Variants in ST8SIA5 observed in about 807,000 individuals in gnomAD.
The protein encoded by ST8SIA5 is ST8 alpha-N-acetyl-neuraminide alpha-2,8-sialyltransferase 5.
A neutral mutation model predicts 40.2 loss-of-function variants in ST8SIA5; 24 were observed. The ratio of observed to expected loss-of-function variants is 0.60; its 90% CI spans 0.43 to 0.84. The LOEUF is 0.84. Among genes scored for constraint, ST8SIA5 ranks in the 40% least tolerant of loss-of-function variants. ST8SIA5 has a pLI of 0.00. For missense variants in ST8SIA5, 465 were observed against 498.5 expected (o/e 0.93, Z 0.64); for synonymous variants, 198 against 201.8 (o/e 0.98, Z 0.16).
intron 1 of ST8SIA5, among the ~76,000 whole-genome samples, chr18:46,734,693 C>T (rs2040017699): frequency 6.6e-6 from 1 of 152,212 alleles, no homozygotes; most frequent in African/African-American, 2.4e-5. Flanking sequence ...GGCTCCTACA[C>T]AGCCCTTAGC....
intron 1 of ST8SIA5, among the ~76,000 whole-genome samples, chr18:46,738,611 C>G (rs529946881): frequency 6.6e-6 from 1 of 152,304 alleles, no homozygotes; most frequent in African/African-American, 2.4e-5. Flanking sequence ...TGTAAAGTCA[C>G]TCTGCTGACC....
At chr18:46,737,920 A>G (rs1206909590) in intron 1 of ST8SIA5, among the ~76,000 whole-genome samples, 1 of 151,928 alleles carries the variant, frequency 6.6e-6, no homozygotes, top group Non-Finnish European at 1.5e-5. Context: ...ACAGGCATGC[A>G]CCACCACGCC....
chr18:46,710,413 T>G (rs112844672), intron 1 of ST8SIA5, among the ~76,000 whole-genome samples: 26,164 of 126,844 alleles, frequency 0.21, 2,641 homozygotes, highest in East Asian at 0.39. Context: ...CTTTCTTTCT[T>G]TCTTTTTCTT....
intron 2 of ST8SIA5, among the ~76,000 whole-genome samples, chr18:46,697,978 G>C (rs2039573123): frequency 6.6e-6 from 1 of 152,078 alleles, no homozygotes; most frequent in South Asian, 2.1e-4. Flanking sequence ...TGGTAGAGAA[G>C]GTCTTCAACA....
chr18:46,732,030 T>A (rs191225666), intron 1 of ST8SIA5, among the ~76,000 whole-genome samples: 3 of 152,286 alleles, frequency 2.0e-5, no homozygotes, highest in Admixed American at 6.5e-5. Flanking sequence ...AAGACAGGCC[T>A]CGGGTTGCCA....
chr18:46,686,091 G>A (rs2039443357), intron 5 of ST8SIA5, 83 bp downstream of exon 5: 1 of 1,339,096 alleles, frequency 7.5e-7, no homozygotes, highest in Non-Finnish European at 1.1e-6. Context: ...CTTGCTTAAA[G>A]GGTAGCATTA....
At chr18:46,731,250 C>T (rs1472299604) in intron 1 of ST8SIA5, among the ~76,000 whole-genome samples, 3 of 152,146 alleles carry the variant, frequency 2.0e-5, no homozygotes, top group African/African-American at 7.2e-5. Context: ...TATTTCTCTA[C>T]CAAAAGAAAA....
Position 46,756,666 on chromosome 18 carries a change from G to T in ST8SIA5, c.-158C>A. The T allele has an allele frequency of 1.2e-6, 1 of 820,970 alleles. No individual in the cohort carries two copies. The highest frequency in any genetic ancestry group is 2.0e-5 in the South Asian group (1 of 51,094). The allele number at this position is 820,970 out of a possible 1,614,324, so 50.9% of individuals were successfully genotyped here. On this transcript the variant is annotated 5_prime_UTR_variant, in exon 1 of 7. Transcript: ENST00000315087. ...GGCAAAGTTTCTGGTTGGCGCGGCC[G>T]GAGCTGGGGGCATCCAAGCGTCGCA...
At chr18:46,755,856 T>A (rs1476017841) in intron 1 of ST8SIA5, among the ~76,000 whole-genome samples, 8 of 152,194 alleles carry the variant, frequency 5.3e-5, no homozygotes, top group Admixed American at 5.2e-4. Context: ...ACTATCCCTG[T>A]CGCATAGCCA....
chr18:46,733,650 T>C (rs1480761577), intron 1 of ST8SIA5, among the ~76,000 whole-genome samples: 1 of 152,076 alleles, frequency 6.6e-6, no homozygotes, highest in Non-Finnish European at 1.5e-5. Context: ...GGAATGTTAT[T>C]CCACACAGGG....
At chr18:46,703,655 AC>A (rs2144499520) in intron 2 of ST8SIA5, among the ~76,000 whole-genome samples, 1 of 150,484 alleles carries the variant, frequency 6.6e-6, no homozygotes, top group African/African-American at 2.4e-5. Context: ...AGGGCCAGGG[AC>A]CCCAGATGCC....
At chr18:46,723,651 C>G (rs756184496) in intron 1 of ST8SIA5, among the ~76,000 whole-genome samples, 1 of 152,130 alleles carries the variant, frequency 6.6e-6, no homozygotes, top group African/African-American at 2.4e-5. Flanking sequence ...GAAGGCCAAG[C>G]GTAGTGGCTC....
intron 1 of ST8SIA5, among the ~76,000 whole-genome samples, chr18:46,744,792 T>C (rs2040122571): frequency 1.3e-5 from 2 of 152,176 alleles, no homozygotes; most frequent in Admixed American, 6.5e-5. Context: ...GCACTTATTC[T>C]AAAATTGACC....
At chr18:46,702,168 A>C (rs1172608610) in intron 2 of ST8SIA5, among the ~76,000 whole-genome samples, 1 of 151,950 alleles carries the variant, frequency 6.6e-6, no homozygotes, top group Non-Finnish European at 1.5e-5. Flanking sequence ...AAAAACAGAA[A>C]TTAGTCATTT....
chr18:46,739,792 C>T (rs1376659470), intron 1 of ST8SIA5, among the ~76,000 whole-genome samples: 1 of 152,194 alleles, frequency 6.6e-6, no homozygotes, highest in Admixed American at 6.5e-5. Context: ...GCTCTCATTC[C>T]TCTTTGAGAA....
At chr18:46,698,816 T>C (rs902113344) in intron 2 of ST8SIA5, among the ~76,000 whole-genome samples, 1 of 151,850 alleles carries the variant, frequency 6.6e-6, no homozygotes, top group African/African-American at 2.4e-5. Context: ...AGCAAGATGA[T>C]GAAGAGAAAC....
intron 1 of ST8SIA5, among the ~76,000 whole-genome samples, chr18:46,719,469 C>T (rs1170807128): frequency 6.6e-6 from 1 of 151,992 alleles, no homozygotes; most frequent in Non-Finnish European, 1.5e-5. Flanking sequence ...AACACAGGTG[C>T]AGTGAGGGCT....
At chr18:46,685,182 G>T (rs762586707) in intron 5 of ST8SIA5, among the ~76,000 whole-genome samples, 1 of 152,208 alleles carries the variant, frequency 6.6e-6, no homozygotes, top group African/African-American at 2.4e-5. Flanking sequence ...GCCTAGCAAT[G>T]CTGGAGCCTG....
intron 2 of ST8SIA5, among the ~76,000 whole-genome samples, chr18:46,693,225 C>A (rs1344114555): frequency 1.3e-5 from 2 of 152,182 alleles, no homozygotes; most frequent in Non-Finnish European, 2.9e-5. Flanking sequence ...GCCCACCCCC[C>A]AGGGCCTGCA....
Sources: gnomAD v4.1 joint callset for allele counts (sites outside exome capture counted in the v4.1 genomes callset) on GRCh38, gnomAD v4.1.1 for gene constraint, MANE v1.5 for transcripts, NCBI Gene and HGNC (gene_info 2026-07-23, HGNC 2026-07-21) for gene names.